The following PTPRH variants were observed in gnomAD, a reference collection of about 807,000 sequenced individuals.
PTPRH encodes the protein receptor-type tyrosine-protein phosphatase H.
Under a neutral mutation model 130.2 loss-of-function variants are expected in PTPRH, and 113 were observed. The observed-to-expected ratio is 0.87, with a 90% CI of 0.75 to 1.01. The LOEUF is 1.01. Among genes scored for constraint, PTPRH ranks in the 50% least tolerant of loss-of-function variants. PTPRH has a pLI of 0.00. For synonymous variants in PTPRH, 556 were observed against 577.9 expected, an observed-to-expected ratio of 0.96 and a Z score of 0.54; for missense variants, 1,430 against 1,425.0, an observed-to-expected ratio of 1.00 and a Z score of -0.06.
chr19:55,184,306 T>TAAATA (rs148636897), intron 18 of PTPRH, among the ~76,000 whole-genome samples: 557 of 150,422 alleles, frequency 3.7e-3, no homozygotes, highest in African/African-American at 0.01. Context: ...AACAAATAAA[T>TAAATA]AAATAAAATA....
At chr19:55,199,986 G>A (rs148900137) in intron 7 of PTPRH, among the ~76,000 whole-genome samples, 1 of 150,250 alleles carries the variant, frequency 6.7e-6, no homozygotes, top group East Asian at 2.0e-4. Context: ...GGAAGGGAAG[G>A]AGAAAGAAAG....
intron 18 of PTPRH, among the ~76,000 whole-genome samples, chr19:55,183,893 TA>T (rs1238003353): frequency 6.6e-6 from 1 of 152,190 alleles, no homozygotes; most frequent in East Asian, 1.9e-4. Context: ...TGGAAGCTAC[TA>T]ATCTCTTCAG....
At position 55,194,270 on chromosome 19, in the gene PTPRH, G is replaced by C. The variant is rs1356708134; in HGVS notation, c.2257+2252C>G. On this transcript the variant is annotated intron_variant, in intron 10 of 19. Coordinates refer to ENST00000376350, the MANE Select transcript of PTPRH (RefSeq NM_002842.5). Reference sequence around the variant, plus strand: ...ATGGCCCATCTTCATCAGCCTTGAAGGCCCCCAAGCTGCAGCTTCTCAGCA... The same window carrying C: ...ATGGCCCATCTTCATCAGCCTTGAACGCCCCCAAGCTGCAGCTTCTCAGCA... 2.3e-6 allele frequency: 3 copies of C among 1,289,688 alleles called. No individual in the cohort carries two copies. The East Asian group carries it at 1.7e-4, about 72-fold the overall frequency. 79.9% of individuals were successfully genotyped at this position (1,289,688 alleles called of 1,614,324 possible).
chr19:55,202,071 G>A lies in PTPRH; in HGVS notation c.1138C>T (p.Arg380Ter), dbSNP rs200281532. ...KNGINSSRET[R>*]NATTAPNPVR... is the part of the protein sequence containing the mutation. ...TGCCTCTCACCTGTGGTGGCATTTCGAGTCTCCCGGGAGCTGTTGATTCCA... is the reference window on the plus strand; with the variant it reads ...TGCCTCTCACCTGTGGTGGCATTTCAAGTCTCCCGGGAGCTGTTGATTCCA... Residue 380 changes from arginine to a stop codon, truncating the protein, a stop_gained, in exon 6 of 20, where the codon CGA becomes TGA. Coordinates refer to ENST00000376350, the MANE Select transcript of PTPRH (RefSeq NM_002842.5). LOFTEE classifies it high-confidence loss of function. 8.7e-6 allele frequency: 14 copies of A among 1,613,908 alleles called. No homozygotes were observed. Among genetic ancestry groups the A allele is most frequent in the East Asian group, 2.2e-5 (1 of 44,898 alleles).
chr19:55,190,172 C>T (rs1284229580), intron 12 of PTPRH, among the ~76,000 whole-genome samples: 4 of 151,846 alleles, frequency 2.6e-5, no homozygotes, highest in East Asian at 1.9e-4. Flanking sequence ...AGTTCAAGAC[C>T]AGCCTGGCCA....
intron 2 of PTPRH, 33 bp from the exon 3 acceptor site, chr19:55,206,988 G>A (rs764723646): frequency 3.2e-6 from 5 of 1,568,812 alleles, no homozygotes; most frequent in Non-Finnish European, 4.3e-6. Context: ...TGACAAAAAG[G>A]GAACCAGGTC....
chr19:55,199,137 G>A (rs186534695), intron 7 of PTPRH, among the ~76,000 whole-genome samples: 6 of 152,172 alleles, frequency 3.9e-5, no homozygotes, highest in East Asian at 3.9e-4. Context: ...AGACCCTATC[G>A]CTACTAAAAA....
Position 55,203,814 on chromosome 19 carries a change from T to C in PTPRH, c.854A>G (p.Asn285Ser). 6.2e-7 allele frequency: 1 copy of C among 1,613,154 alleles called. No homozygotes were observed. The highest frequency in any genetic ancestry group is 8.5e-7 in the Non-Finnish European group (1 of 1,179,170). ...ACTAGTGACAATCTCCACAGAGCTATTTACTCCGTCTTTCTCCACCCACAC... is the reference window on the plus strand; with the variant it reads ...ACTAGTGACAATCTCCACAGAGCTACTTACTCCGTCTTTCTCCACCCACAC... ...CSVWVEKDGV[N>S]SSVEIVTSAT... Residue 285 changes from asparagine (N) to serine (S), a missense_variant, in exon 5 of 20, where the codon AAT becomes AGT. Coordinates refer to ENST00000376350, the MANE Select transcript of PTPRH (RefSeq NM_002842.5).
chr19:55,186,616 C>T, intron 14 of PTPRH, 76 bp from the exon 15 acceptor site: 1 of 1,519,602 alleles, frequency 6.6e-7, no homozygotes, highest in East Asian at 2.3e-5. Context: ...GCAGAGAGAC[C>T]CAGAGAGGCA....
intron 10 of PTPRH, among the ~76,000 whole-genome samples, chr19:55,195,388 G>C (rs8101500): frequency 0.088 from 13,439 of 152,166 alleles, 1,198 homozygotes; most frequent in Admixed American, 0.24. Context: ...TGTGATCCCA[G>C]ATACTTGGGT....
chr19:55,189,580 C>T (rs1468299540), intron 12 of PTPRH: 14 of 420,700 alleles, frequency 3.3e-5, no homozygotes, highest in African/African-American at 1.6e-4. Flanking sequence ...GTCCTGGGAG[C>T]GCCTTTCCCA....
In PTPRH at chr19:55,187,585, G is replaced by C. The variant is rs1361370845; in HGVS notation, c.2494C>G (p.His832Asp). The C allele has an allele frequency of 2.5e-6, 4 of 1,612,966 alleles. No individual in the cohort carries two copies. The highest frequency in any genetic ancestry group is 3.4e-6 in the Non-Finnish European group (4 of 1,179,344). ...DEYQQLSLVG[H>D]SQSQMVASAS... ...GAAGCCACCATCTGAGACTGGCTGT[G>C]GCCCACCAGGGAGAGTTGCTGGGGA... Residue 832 changes from histidine to aspartate, a missense_variant, in exon 14 of 20, where the codon CAC becomes GAC. His to Asp is a moderately conservative substitution (Grantham distance 81). Coordinates refer to ENST00000376350, the MANE Select transcript of PTPRH (RefSeq NM_002842.5).
In PTPRH at chr19:55,197,257, T is replaced by C; in HGVS notation, c.1850A>G (p.Asn617Ser). 1 of 1,614,272 alleles carries C rather than the reference T, an allele frequency of 6.2e-7. No homozygotes were observed. The highest frequency in any genetic ancestry group is 8.5e-7 in the Non-Finnish European group (1 of 1,180,046). ...HPRRGQDPQA[N>S]WVNQTSRTNE... Reference sequence around the variant, plus strand: ...GGTCCTGCTGGTCTGGTTGACCCAATTCGCTTGGGGATCTTGCCCCCTCCG... The same window carrying C: ...GGTCCTGCTGGTCTGGTTGACCCAACTCGCTTGGGGATCTTGCCCCCTCCG... Residue 617 changes from asparagine to serine, a missense_variant, in exon 9 of 20, where the codon AAT becomes AGT. Asn to Ser is a conservative substitution (Grantham distance 46, BLOSUM62 1). Transcript: ENST00000376350.
Position 55,197,281 on chromosome 19 carries a change from C to T in PTPRH, c.1826G>A (p.Arg609Gln), listed in dbSNP as rs201694132. The T allele has an allele frequency of 7.2e-5, 116 of 1,614,236 alleles. 1 individual carries two copies. The highest frequency in any genetic ancestry group is 6.6e-4 in the South Asian group (60 of 91,088). ...ATTCGCTTGGGGATCTTGCCCCCTC[C>T]GGGGATGTCCCTTGCTGGCCCACTG... ...WVQWASKGHP[R>Q]RGQDPQANWV... The change falls in exon 9 of 20, where the codon CGG (arginine) becomes CAG (glutamine). Residue 609 changes from arginine to glutamine, a missense_variant. Transcript: ENST00000376350.
At chr19:55,186,426 C>A (rs368363856) in intron 15 of PTPRH, 38 bp downstream of exon 15, 2 of 1,613,654 alleles carry the variant, frequency 1.2e-6, no homozygotes, top group East Asian at 2.2e-5. Flanking sequence ...TCTCTCCAGG[C>A]GTGCTGGGCA....
At chr19:55,204,272 A>C (rs1362483557) in intron 4 of PTPRH, among the ~76,000 whole-genome samples, 1 of 152,080 alleles carries the variant, frequency 6.6e-6, no homozygotes, top group Non-Finnish European at 1.5e-5. Context: ...GGTCTGCACC[A>C]CCACACCCGG....
In PTPRH at chr19:55,181,677, C is replaced by T; in HGVS notation, c.*77G>A. 6.3e-7 allele frequency: 1 copy of T among 1,579,326 alleles called. No homozygotes were observed. Among genetic ancestry groups the T allele is most frequent in the Non-Finnish European group, 8.6e-7 (1 of 1,156,172 alleles). On this transcript the variant is annotated 3_prime_UTR_variant, in exon 20 of 20. Transcript: ENST00000376350. ...AGGAGTCTGGGAGCCCAGCCCTCTG[C>T]TCTTCCAGGAATCTGGGCTCAAGTG...
In PTPRH at chr19:55,181,742, C is replaced by G; in HGVS notation, c.*12G>C. On this transcript the variant is annotated 3_prime_UTR_variant, in exon 20 of 20. Coordinates refer to ENST00000376350, the MANE Select transcript of PTPRH (RefSeq NM_002842.5). ...GAGGATGCCTGGGCTGCCGACCCAG[C>G]CCCCTCGTCACTTAGACCTCCAACT... 1 of 1,613,866 alleles carries G rather than the reference C, an allele frequency of 6.2e-7. No individual in the cohort carries two copies. The highest frequency in any genetic ancestry group is 8.5e-7 in the Non-Finnish European group (1 of 1,179,920).
At chr19:55,207,534 C>T (rs1029107842) in intron 1 of PTPRH, among the ~76,000 whole-genome samples, 1 of 151,906 alleles carries the variant, frequency 6.6e-6, no homozygotes, top group East Asian at 1.9e-4. Context: ...AGAAAAAAAC[C>T]AAGGTTGGGG....
Sources: allele counts gnomAD v4.1 joint callset (sites outside exome capture counted in the v4.1 genomes callset), GRCh38; gene constraint gnomAD v4.1.1; transcripts MANE v1.5; gene names NCBI Gene and HGNC (gene_info 2026-07-23, HGNC 2026-07-21).